Variants in STXBP5 observed in about 807,000 individuals in gnomAD.
The protein encoded by STXBP5 is syntaxin-binding protein 5.
A neutral mutation model predicts 152.4 loss-of-function variants in STXBP5; 50 were observed. The ratio of observed to expected loss-of-function variants is 0.33; its 90% CI spans 0.26 to 0.42. The LOEUF (loss-of-function observed/expected upper bound fraction) is 0.42, where lower values mean the gene tolerates loss of function less well. Ranked by LOEUF, STXBP5 falls within the 10% of genes least tolerant of loss-of-function variation. The pLI, the probability that STXBP5 is intolerant of heterozygous loss-of-function variation, is 1.00. For synonymous variants in STXBP5, 492 were observed against 494.7 expected (o/e 0.99, Z 0.07); for missense variants, 1,167 against 1,388.6 (o/e 0.84, Z 2.54).
intron 6 of STXBP5, among the ~76,000 whole-genome samples, chr6:147,262,861 A>G (rs1388213327): frequency 6.6e-6 from 1 of 151,944 alleles, no homozygotes; most frequent in Non-Finnish European, 1.5e-5. Flanking sequence ...TATAATCAGT[A>G]TCTAGCTATT....
intron 2 of STXBP5, among the ~76,000 whole-genome samples, chr6:147,211,308 CAAAA>C (rs60677588): frequency 3.0e-5 from 2 of 67,036 alleles, no homozygotes; most frequent in Non-Finnish European, 3.1e-5. Context: ...GACTCTGTCT[CAAAA>C]AAAAAAAAAA....
At chr6:147,242,607 A>G (rs1477392266) in intron 4 of STXBP5, among the ~76,000 whole-genome samples, 1 of 152,214 alleles carries the variant, frequency 6.6e-6, no homozygotes, top group African/African-American at 2.4e-5. Flanking sequence ...ATGTTTAGAT[A>G]CACAGATACT....
intron 2 of STXBP5, among the ~76,000 whole-genome samples, chr6:147,220,215 C>T (rs1777391555): frequency 6.6e-6 from 1 of 151,942 alleles, no homozygotes; most frequent in Non-Finnish European, 1.5e-5. Flanking sequence ...TTCTAGTTTA[C>T]TTCCATTATG....
Position 147,337,104 on chromosome 6 carries a change from A to AT in STXBP5, c.2147-2075_2147-2074insT, listed in dbSNP as rs1306178986. Among the ~76,000 whole-genome samples the AT allele has an allele frequency of 9.2e-5, 14 of 152,046 alleles. No individual in the cohort carries two copies. The East Asian group carries it at 2.5e-3, about 27-fold the overall frequency. The stretch of plus-strand genomic sequence containing the variant: ...GACTTTCATTTGATCCTTACATCAA[A>AT]GAACTTATATTGCTTCACTGAACAC... On this transcript the variant is annotated intron_variant, in intron 19 of 27. Transcript: ENST00000321680.
chr6:147,295,413 G>A (rs929505629), intron 9 of STXBP5, among the ~76,000 whole-genome samples: 9 of 152,112 alleles, frequency 5.9e-5, no homozygotes, highest in African/African-American at 1.7e-4. Flanking sequence ...TGAGCAAGAC[G>A]TCTGACTAGA....
At chr6:147,274,306 G>A (rs1263708836) in intron 7 of STXBP5, among the ~76,000 whole-genome samples, 1 of 152,076 alleles carries the variant, frequency 6.6e-6, no homozygotes, top group Non-Finnish European at 1.5e-5. Flanking sequence ...TGTTGCCCAG[G>A]CTGGAGTGCA....
At chr6:147,336,239 CTA>C (rs1459520132) in intron 19 of STXBP5, among the ~76,000 whole-genome samples, 2 of 152,042 alleles carry the variant, frequency 1.3e-5, no homozygotes, top group Non-Finnish European at 2.9e-5. Flanking sequence ...ACAGTAGAAA[CTA>C]GAGTGAGATT....
chr6:147,351,407 T>C lies in STXBP5; in HGVS notation c.2255-1916T>C, dbSNP rs551437732. On this transcript the variant is annotated intron_variant, in intron 21 of 27. Transcript: ENST00000321680. ...TGCCAAATTTATTTTCTACATCTGA[T>C]ATCATGCACATTGTATAGATACTAC... Among the ~76,000 whole-genome samples, 64 of 152,340 alleles carry C rather than the reference T, an allele frequency of 4.2e-4. 1 individual carries two copies. In the South Asian group the frequency reaches 4.6e-3, roughly 11 times the overall value.
At chr6:147,211,639 T>C (rs1237460228) in intron 2 of STXBP5, among the ~76,000 whole-genome samples, 2 of 152,234 alleles carry the variant, frequency 1.3e-5, no homozygotes, top group Non-Finnish European at 2.9e-5. Context: ...TACCCTGGCA[T>C]GCAGTGGCAG....
At chr6:147,229,080 G>A (rs1777870982) in intron 2 of STXBP5, among the ~76,000 whole-genome samples, 1 of 152,046 alleles carries the variant, frequency 6.6e-6, no homozygotes, top group African/African-American at 2.4e-5. Context: ...AAGGAAGTAA[G>A]TAGCTCACTT....
At chr6:147,284,194 C>T (rs1306909757) in intron 8 of STXBP5, among the ~76,000 whole-genome samples, 1 of 151,998 alleles carries the variant, frequency 6.6e-6, no homozygotes, top group Non-Finnish European at 1.5e-5. Context: ...TCCCGCTGTC[C>T]GTGCATTTTG....
chr6:147,371,953 T>C (rs1029537165), intron 25 of STXBP5, among the ~76,000 whole-genome samples: 2 of 152,186 alleles, frequency 1.3e-5, no homozygotes, highest in Admixed American at 6.5e-5. Flanking sequence ...ATCTGTGAAA[T>C]ACTGTTTTTA....
At chr6:147,370,509 C>G (rs1365503860) in intron 25 of STXBP5, among the ~76,000 whole-genome samples, 1 of 151,988 alleles carries the variant, frequency 6.6e-6, no homozygotes, top group East Asian at 1.9e-4. Flanking sequence ...ACTTAAGTTT[C>G]TTTTTACAGT....
chr6:147,344,670 T>G lies in STXBP5; in HGVS notation c.2254+5286T>G, dbSNP rs543009384. On this transcript the variant is annotated intron_variant, in intron 21 of 27. Transcript: ENST00000321680. ...TCTTATAAGAACCAATCAAATTGGA[T>G]TAGGGCTCAGCCTAAGGGCATCATT... Among the ~76,000 whole-genome samples the G allele has an allele frequency of 5.3e-5, 8 of 152,312 alleles. No homozygotes were observed. The East Asian group carries it at 1.2e-3, about 22-fold the overall frequency.
intron 2 of STXBP5, among the ~76,000 whole-genome samples, chr6:147,207,468 A>G (rs1476510614): frequency 6.6e-6 from 1 of 152,168 alleles, no homozygotes; most frequent in East Asian, 1.9e-4. Flanking sequence ...ATATCTAGAT[A>G]GTTATGACCA....
rs148747252 is a variant in STXBP5 at position 147,260,839 on chromosome 6, G to C, written c.566+90G>C. 1,018 of 1,421,954 alleles carry C rather than the reference G, an allele frequency of 7.2e-4. 4 individuals carry two copies. The East Asian group carries it at 9.5e-3, about 13-fold the overall frequency. The allele number at this position is 1,421,954 out of a possible 1,614,324, so 88.1% of individuals were successfully genotyped here. A position where few individuals can be genotyped will look rare whatever the true frequency, so the allele number is the denominator to read the frequency against. ...CATAGCCAATCAGTAAATCTGTATG[G>C]AATTAAATATGTGACAGATGTTCTT... On this transcript the variant is annotated intron_variant, in intron 5 of 27. Coordinates refer to ENST00000321680, the MANE Select transcript of STXBP5 (RefSeq NM_001127715.4).
intron 16 of STXBP5, among the ~76,000 whole-genome samples, chr6:147,322,529 C>T (rs1282987264): frequency 6.6e-6 from 1 of 152,166 alleles, no homozygotes; most frequent in Non-Finnish European, 1.5e-5. Context: ...ATTAGAAATA[C>T]CAACTGAATA....
rs921511620 is a variant in STXBP5 at position 147,325,037 on chromosome 6, A to G, written c.1881A>G (p.Glu627=). 1 of 1,594,092 alleles carries G rather than the reference A, an allele frequency of 6.3e-7. No individual in the cohort carries two copies. Among genetic ancestry groups the G allele is most frequent in the African/African-American group, 1.3e-5 (1 of 74,510 alleles). ...TTCAGTTGGTTTGGGTGGGTGGAGA[A>G]CCACCACAACAAATAACCAGCCTGG... ...LVIQLVWVGG[E]PPQQITSLAV... Residue 627 remains glutamate (E), a synonymous_variant, in exon 17 of 28, where the codon GAA becomes GAG. Coordinates refer to ENST00000321680, the MANE Select transcript of STXBP5 (RefSeq NM_001127715.4).
chr6:147,327,070 A>AT lies in STXBP5; in HGVS notation c.1929-48dup, dbSNP rs985314388. On this transcript the variant is annotated intron_variant, in intron 17 of 27. Coordinates refer to ENST00000321680, the MANE Select transcript of STXBP5 (RefSeq NM_001127715.4). The stretch of plus-strand genomic sequence containing the variant: ...TCTTCAGCCTTATAGACTGTAGTAC[A>AT]TTTTTTTGGAATTATTTGTTTGTGC... 6.5e-5 allele frequency: 101 copies of AT among 1,546,228 alleles called. 1 individual carries two copies. The South Asian group carries it at 1.1e-3, about 17-fold the overall frequency.
Sources: allele counts gnomAD v4.1 joint callset (sites outside exome capture counted in the v4.1 genomes callset), GRCh38; gene constraint gnomAD v4.1.1; transcripts MANE v1.5; gene names NCBI Gene and HGNC (gene_info 2026-07-23, HGNC 2026-07-21).